Variants in ANTXR2 observed in about 807,000 individuals in gnomAD.
The protein encoded by ANTXR2 is ANTXR cell adhesion molecule 2, also known as anthrax toxin receptor 2.
In ANTXR2, 44 loss-of-function variants were observed where a neutral mutation model predicts 73.7. The observed-to-expected ratio is 0.60, with a 90% CI of 0.47 to 0.77. The LOEUF (loss-of-function observed/expected upper bound fraction) is 0.77, where lower values mean the gene tolerates loss of function less well. Ranked by LOEUF, ANTXR2 falls within the 30% of genes least tolerant of loss-of-function variation. ANTXR2 has a pLI of 0.00. For missense variants in ANTXR2, 604 were observed against 592.5 expected (o/e 1.02, Z -0.20); for synonymous variants, 217 against 205.9 (o/e 1.05, Z -0.46).
At chr4:80,053,405 C>T (rs1733852115) in intron 7 of ANTXR2, among the ~76,000 whole-genome samples, 1 of 151,580 alleles carries the variant, frequency 6.6e-6, no homozygotes, top group Non-Finnish European at 1.5e-5. Context: ...AGCCTACGTG[C>T]TACTAAAAAC....
chr4:80,029,644 A>C lies in ANTXR2; in HGVS notation c.866+1979T>G, dbSNP rs1732598913. ...ACAATTGGCTTTGGAGAAAAAATAAAACATGAAAAAGGTATACAGGTTACA... is the reference window on the plus strand; with the variant it reads ...ACAATTGGCTTTGGAGAAAAAATAACACATGAAAAAGGTATACAGGTTACA... On this transcript the variant is annotated intron_variant, in intron 10 of 16. Coordinates refer to ENST00000403729, the MANE Select transcript of ANTXR2 (RefSeq NM_058172.6). 2.0e-5 allele frequency among the ~76,000 whole-genome samples: 3 copies of C among 152,032 alleles called. No homozygotes were observed. In the Admixed American group the frequency reaches 2.0e-4, roughly 10 times the overall value.
chr4:80,039,518 C>A (rs1350741452), intron 7 of ANTXR2, among the ~76,000 whole-genome samples: 1 of 152,014 alleles, frequency 6.6e-6, no homozygotes, highest in Middle Eastern at 3.4e-3. Context: ...AAGTGGCCAA[C>A]AAACATACAA....
chr4:80,028,642 A>C (rs1462064339), intron 10 of ANTXR2, among the ~76,000 whole-genome samples: 1 of 152,072 alleles, frequency 6.6e-6, no homozygotes, highest in Admixed American at 6.6e-5. Context: ...CACAGGAAAA[A>C]CCTTCATTCA....
At chr4:79,926,393 T>C (rs973016624) in intron 16 of ANTXR2, among the ~76,000 whole-genome samples, 1 of 152,124 alleles carries the variant, frequency 6.6e-6, no homozygotes, top group Non-Finnish European at 1.5e-5. Flanking sequence ...TTTCACAAAC[T>C]ACAGATCAAA....
chr4:79,985,207 G>A (rs112746183), intron 12 of ANTXR2, among the ~76,000 whole-genome samples: 12,721 of 151,766 alleles, frequency 0.084, 647 homozygotes, highest in Middle Eastern at 0.23. Context: ...AAAATTAGCC[G>A]GGCGTGGTGG....
rs894261137 is a variant in ANTXR2 at position 79,903,201 on chromosome 4, A to G, written c.*4228T>C. 6.6e-6 allele frequency: 1 copy of G among 152,038 alleles called. No homozygotes were observed. Among genetic ancestry groups the G allele is most frequent in the Non-Finnish European group, 1.5e-5 (1 of 68,048 alleles). 9.4% of individuals were successfully genotyped at this position (152,038 alleles called of 1,614,324 possible). ...GCTAAAAGGAACTTTTGATATCTTC[A>G]TTCCATCTTCAGTCTATGGTTGAGA... On this transcript the variant is annotated 3_prime_UTR_variant, in exon 17 of 17. Transcript: ENST00000403729.
At chr4:79,943,766 C>G (rs964765715) in intron 16 of ANTXR2, among the ~76,000 whole-genome samples, 54 of 150,306 alleles carry the variant, frequency 3.6e-4, no homozygotes, top group South Asian at 1.5e-3. Flanking sequence ...AATAAAACCC[C>G]CTAAGAATAC....
chr4:79,906,505 C>T lies in ANTXR2; in HGVS notation c.*924G>A, dbSNP rs896277938. On this transcript the variant is annotated 3_prime_UTR_variant, in exon 17 of 17. Transcript: ENST00000403729. ...AGAAAGAAAAAACCCTGAGCGGAAG[C>T]TTTGTGGTTACTGCTTCCTTTAAAT... 4 of 152,592 alleles carry T rather than the reference C, an allele frequency of 2.6e-5. No homozygotes were observed. The highest frequency in any genetic ancestry group is 1.9e-4 in the East Asian group (1 of 5,192). The allele number at this position is 152,592 out of a possible 1,614,324, so 9.5% of individuals were successfully genotyped here.
chr4:80,071,723 T>C (rs932930516), intron 1 of ANTXR2, 69 bp from the exon 2 acceptor site: 26 of 1,333,504 alleles, frequency 1.9e-5, no homozygotes, highest in African/African-American at 2.9e-5. Flanking sequence ...TTTGAAATGG[T>C]TCCTTCTTCA....
chr4:80,064,131 T>C (rs1734388953), intron 3 of ANTXR2, among the ~76,000 whole-genome samples: 1 of 152,166 alleles, frequency 6.6e-6, no homozygotes, highest in Non-Finnish European at 1.5e-5. Flanking sequence ...TTGTCCAAAA[T>C]TAATTAAGTG....
intron 7 of ANTXR2, among the ~76,000 whole-genome samples, chr4:80,041,582 G>C (rs1002410734): frequency 6.6e-6 from 1 of 151,734 alleles, no homozygotes; most frequent in Non-Finnish European, 1.5e-5. Context: ...ATTAAGCCCG[G>C]CACACATTAG....
Position 79,907,280 on chromosome 4 carries a change from A to G in ANTXR2, c.*149T>C. On this transcript the variant is annotated 3_prime_UTR_variant, in exon 17 of 17. Transcript: ENST00000403729. Reference sequence around the variant, plus strand: ...TAGAAATGTTTGGTGCAAGCAAAGCAGAAGGCAGAGAAAACATTTCCCGAC... The same window carrying G: ...TAGAAATGTTTGGTGCAAGCAAAGCGGAAGGCAGAGAAAACATTTCCCGAC... 2.4e-6 allele frequency: 2 copies of G among 826,850 alleles called. No individual in the cohort carries two copies. Among genetic ancestry groups the G allele is most frequent in the African/African-American group, 1.7e-5 (1 of 57,374 alleles). 51.2% of individuals were successfully genotyped at this position (826,850 alleles called of 1,614,324 possible). A position where few individuals can be genotyped will look rare whatever the true frequency, so the allele number is the denominator to read the frequency against.
intron 16 of ANTXR2, among the ~76,000 whole-genome samples, chr4:79,935,697 T>C (rs1000625206): frequency 6.6e-6 from 1 of 152,218 alleles, no homozygotes; most frequent in Non-Finnish European, 1.5e-5. Flanking sequence ...TTATTTTGGA[T>C]ACAGCTATTG....
At chr4:80,062,605 G>A (rs1734313996) in intron 3 of ANTXR2, among the ~76,000 whole-genome samples, 1 of 152,156 alleles carries the variant, frequency 6.6e-6, no homozygotes, top group African/African-American at 2.4e-5. Context: ...GTAAATACTT[G>A]CCTAATGGAA....
chr4:79,985,824 T>C (rs1464597611), intron 12 of ANTXR2, among the ~76,000 whole-genome samples: 5 of 150,158 alleles, frequency 3.3e-5, no homozygotes, highest in Non-Finnish European at 4.4e-5. Flanking sequence ...TCATGAAATC[T>C]TTCACAGTTA....
At chr4:79,918,919 G>T (rs1727460147) in intron 16 of ANTXR2, among the ~76,000 whole-genome samples, 1 of 151,978 alleles carries the variant, frequency 6.6e-6, no homozygotes, top group Non-Finnish European at 1.5e-5. Context: ...GAAAAAAATG[G>T]AAATTATACC....
intron 16 of ANTXR2, among the ~76,000 whole-genome samples, chr4:79,935,216 C>T (rs1159040953): frequency 6.6e-6 from 1 of 151,308 alleles, no homozygotes; most frequent in Non-Finnish European, 1.5e-5. Context: ...CATGTCATCG[C>T]CCCCCAACTT....
chr4:79,974,937 C>T (rs567522558), intron 16 of ANTXR2, among the ~76,000 whole-genome samples: 7 of 152,302 alleles, frequency 4.6e-5, no homozygotes, highest in Non-Finnish European at 1.0e-4. Context: ...TGATATCTAA[C>T]AGATTACCTG....
chr4:79,989,872 A>G (rs962425673), intron 12 of ANTXR2, among the ~76,000 whole-genome samples: 1 of 152,108 alleles, frequency 6.6e-6, no homozygotes, highest in Non-Finnish European at 1.5e-5. Flanking sequence ...ACAGAACTAA[A>G]AACAAAAACC....
Sources: gnomAD v4.1 joint callset for allele counts (sites outside exome capture counted in the v4.1 genomes callset) on GRCh38, gnomAD v4.1.1 for gene constraint, MANE v1.5 for transcripts, NCBI Gene and HGNC (gene_info 2026-07-23, HGNC 2026-07-21) for gene names.